The following CATSPERD variants were observed in gnomAD, a reference collection of about 807,000 sequenced individuals.
CATSPERD encodes the protein cation channel sperm-associated auxiliary subunit delta.
CATSPERD carries 86 observed loss-of-function variants against 98.1 expected under a neutral mutation model. That is an observed-to-expected ratio of 0.88 (90% CI 0.74 to 1.05). CATSPERD has a LOEUF of 1.05. CATSPERD is among the 50% of genes least tolerant of loss of function. The pLI, the probability that CATSPERD is intolerant of heterozygous loss-of-function variation, is 0.00. For missense variants in CATSPERD, 995 were observed against 1,005.7 expected (o/e 0.99, Z 0.14); for synonymous variants, 394 against 390.2 (o/e 1.01, Z -0.12).
chr19:5,745,389 C>T (rs1473253323), intron 8 of CATSPERD, among the ~76,000 whole-genome samples: 3 of 151,400 alleles, frequency 2.0e-5, no homozygotes, highest in Admixed American at 2.0e-4. Context: ...AAGTCCGAGG[C>T]GGGCAGATCA....
chr19:5,757,354 A>G (rs2056342942), intron 13 of CATSPERD, among the ~76,000 whole-genome samples: 1 of 148,340 alleles, frequency 6.7e-6, no homozygotes, highest in Non-Finnish European at 1.5e-5. Context: ...CGGGAGTACA[A>G]TGGCGTGATC....
intron 19 of CATSPERD, 128 bp downstream of exon 19, chr19:5,771,200 C>T: frequency 9.3e-7 from 1 of 1,078,794 alleles, no homozygotes; most frequent in South Asian, 1.6e-5. Context: ...CACTGTTTCC[C>T]ACCGTGCTCC....
intron 21 of CATSPERD, among the ~76,000 whole-genome samples, chr19:5,777,589 C>A (rs1282483768): frequency 6.6e-6 from 1 of 152,172 alleles, no homozygotes; most frequent in Non-Finnish European, 1.5e-5. Flanking sequence ...TGACTCAGAA[C>A]CCATAAAAGT....
chr19:5,739,266 T>G, intron 6 of CATSPERD, 60 bp from the exon 7 acceptor site: 1 of 940,802 alleles, frequency 1.1e-6, no homozygotes, highest in Non-Finnish European at 1.7e-6. Context: ...GGGATAAACG[T>G]TCAGGAACGT....
chr19:5,730,844 CA>C (rs1224008662), intron 4 of CATSPERD, among the ~76,000 whole-genome samples: 1 of 151,378 alleles, frequency 6.6e-6, no homozygotes, highest in African/African-American at 2.4e-5. Flanking sequence ...ACTAAAAATA[CA>C]AAAAAATTAG....
At chr19:5,733,712 T>TA in intron 4 of CATSPERD, 144 bp from the exon 5 acceptor site, 2 of 605,260 alleles carry the variant, frequency 3.3e-6, no homozygotes, top group Non-Finnish European at 5.8e-6. Flanking sequence ...CGCCTTGGCC[T>TA]CCCAAAGTGC....
At chr19:5,724,678 G>A (rs1391730354) in intron 1 of CATSPERD, 130 bp from the exon 2 acceptor site, 9 of 878,792 alleles carry the variant, frequency 1.0e-5, no homozygotes, top group East Asian at 5.2e-5. Context: ...CAGCCTGGGC[G>A]ACAGAGTGAG....
At chr19:5,745,485 G>C (rs1405980928) in intron 8 of CATSPERD, among the ~76,000 whole-genome samples, 1 of 152,052 alleles carries the variant, frequency 6.6e-6, no homozygotes, top group African/African-American at 2.4e-5. Context: ...GCCCGGCACG[G>C]TGTCAGGCAC....
Position 5,763,941 on chromosome 19 carries a change from G to A in CATSPERD, c.1506+648G>A, listed in dbSNP as rs992159152. 4.9e-5 allele frequency among the ~76,000 whole-genome samples: 7 copies of A among 141,980 alleles called. No homozygotes were observed. The East Asian group carries it at 8.3e-4, about 17-fold the overall frequency. The allele number at this position is 141,980 out of a possible 152,430, so 93.1% of individuals were successfully genotyped here. On this transcript the variant is annotated intron_variant, in intron 16 of 21. Transcript: ENST00000381624. ...CAGCTCATTGTAACCTCCATCTCCCGGATTCAAGCAATTCTCCTAACCTCA... is the reference window on the plus strand; with the variant it reads ...CAGCTCATTGTAACCTCCATCTCCCAGATTCAAGCAATTCTCCTAACCTCA...
rs1471715165 is a variant in CATSPERD, at chr19:5,744,611, T to TA, written c.657+101_657+102insA. On this transcript the variant is annotated intron_variant, in intron 8 of 21. Transcript: ENST00000381624. ...TTTAAACATTTATTTATTTATTTAA[T>TA]TTTTTTTTAGACAGAGTCTCGCTCT... is the stretch of plus-strand genomic sequence containing the variant. 3 of 716,404 alleles carry TA rather than the reference T, an allele frequency of 4.2e-6. No individual in the cohort carries two copies. In the African/African-American group the frequency reaches 5.7e-5, roughly 14 times the overall value. 44.4% of individuals were successfully genotyped at this position (716,404 alleles called of 1,614,324 possible). A position where few individuals can be genotyped will look rare whatever the true frequency, so the allele number is the denominator to read the frequency against.
At chr19:5,753,793 A>G in intron 12 of CATSPERD, 1 of 266,304 alleles carries the variant, frequency 3.8e-6, no homozygotes, top group East Asian at 8.9e-5. Flanking sequence ...GGATTGCTTG[A>G]TCCTGGGAGG....
At chr19:5,773,968 C>CTTTTTTT (rs71172771) in intron 20 of CATSPERD, among the ~76,000 whole-genome samples, 1 of 120,390 alleles carries the variant, frequency 8.3e-6, no homozygotes, top group Admixed American at 9.8e-5. Context: ...TTTGCATTTG[C>CTTTTTTT]TTTTTTTTTT....
intron 1 of CATSPERD, among the ~76,000 whole-genome samples, chr19:5,721,618 T>C (rs1034185279): frequency 6.6e-6 from 1 of 152,226 alleles, no homozygotes; most frequent in African/African-American, 2.4e-5. Context: ...TGGCCTCATT[T>C]GATGTTTACA....
intron 2 of CATSPERD, among the ~76,000 whole-genome samples, chr19:5,725,595 C>T (rs751010700): frequency 5.3e-4 from 81 of 152,200 alleles, no homozygotes; most frequent in Non-Finnish European, 1.1e-3. Context: ...AAATTCGTTT[C>T]CTATTGACAA....
intron 6 of CATSPERD, 45 bp from the exon 7 acceptor site, chr19:5,739,281 G>A (rs1227574430): frequency 1.0e-5 from 11 of 1,070,684 alleles, no homozygotes; most frequent in Non-Finnish European, 1.3e-5. Context: ...GAACGTACTT[G>A]CTGGCATCTT....
intron 17 of CATSPERD, among the ~76,000 whole-genome samples, chr19:5,767,008 A>G (rs1035806595): frequency 6.6e-6 from 1 of 151,614 alleles, no homozygotes; most frequent in African/African-American, 2.4e-5. Context: ...CAATTTTTAA[A>G]ATAAATTTTT....
rs1405510706 is a variant in CATSPERD at position 5,778,401 on chromosome 19, A to G, written c.2122A>G (p.Ser708Gly). 1.2e-6 allele frequency: 2 copies of G among 1,610,712 alleles called. No homozygotes were observed. Among genetic ancestry groups the G allele is most frequent in the African/African-American group, 2.7e-5 (2 of 74,810 alleles). The change falls in exon 22 of 22, where the codon AGC becomes GGC. Residue 708 changes from serine (S) to glycine (G), a missense_variant. Transcript: ENST00000381624. ...YSYCQLETIF[S>G]IYVYGAFPVQ... is the part of the protein sequence containing the mutation. ...CTACTGTCAACTGGAGACCATCTTTAGCATCTACGTGTATGGAGCATTCCC... is the reference window on the plus strand; with the variant it reads ...CTACTGTCAACTGGAGACCATCTTTGGCATCTACGTGTATGGAGCATTCCC...
chr19:5,765,218 C>T (rs1054156012), intron 16 of CATSPERD, among the ~76,000 whole-genome samples: 3 of 152,128 alleles, frequency 2.0e-5, no homozygotes, highest in African/African-American at 7.2e-5. Context: ...CCATGTTTGT[C>T]TTAATACAAA....
At chr19:5,758,871 C>A (rs941699685) in intron 14 of CATSPERD, among the ~76,000 whole-genome samples, 2 of 149,100 alleles carry the variant, frequency 1.3e-5, no homozygotes, top group Non-Finnish European at 3.0e-5. Context: ...TTGCAGTGAG[C>A]CAAGATCGTG....
Sources: allele counts gnomAD v4.1 joint callset (sites outside exome capture counted in the v4.1 genomes callset), GRCh38; gene constraint gnomAD v4.1.1; transcripts MANE v1.5; gene names NCBI Gene and HGNC (gene_info 2026-07-23, HGNC 2026-07-21).